Variants in PPP1R14C observed in about 807,000 individuals in gnomAD.
PPP1R14C encodes the protein protein phosphatase 1 regulatory inhibitor subunit 14C, also known as protein phosphatase 1 regulatory subunit 14C.
In PPP1R14C, 16 loss-of-function variants were observed where a neutral mutation model predicts 20.4. That is an observed-to-expected ratio of 0.78 (90% CI 0.53 to 1.19). The LOEUF is 1.19. Ranked by LOEUF, PPP1R14C falls within the 50% of genes most tolerant of loss-of-function variation. PPP1R14C has a pLI of 0.00. For missense variants in PPP1R14C, 211 were observed against 220.1 expected (o/e 0.96, Z 0.26); for synonymous variants, 91 against 91.0 (o/e 1.00, Z 0.00).
At position 150,242,266 on chromosome 6, in the gene PPP1R14C, A is replaced by T. The variant is rs1168068249; in HGVS notation, c.424-6480A>T. Among the ~76,000 whole-genome samples the T allele has an allele frequency of 2.0e-5, 3 of 152,244 alleles. No homozygotes were observed. The East Asian group carries it at 5.8e-4, about 29-fold the overall frequency. The stretch of plus-strand genomic sequence containing the variant: ...CTTGAAAAGGAAGGAATACTTCCCA[A>T]CTCATGCTATGAAGCTGGCAATACC... On this transcript the variant is annotated intron_variant, in intron 3 of 3. Coordinates refer to ENST00000361131, the MANE Select transcript of PPP1R14C (RefSeq NM_030949.3).
chr6:150,224,806 GTGTTA>G (rs1002216568), intron 3 of PPP1R14C, among the ~76,000 whole-genome samples: 2 of 152,106 alleles, frequency 1.3e-5, no homozygotes, highest in Non-Finnish European at 2.9e-5. Context: ...CTTTTACTGT[GTGTTA>G]TAATTTTTTT....
intron 1 of PPP1R14C, among the ~76,000 whole-genome samples, chr6:150,165,820 C>T (rs541403084): frequency 6.6e-6 from 1 of 152,096 alleles, no homozygotes; most frequent in African/African-American, 2.4e-5. Context: ...AAACAAAACC[C>T]TACAAAGAAA....
intron 3 of PPP1R14C, among the ~76,000 whole-genome samples, chr6:150,221,984 A>C (rs1405296256): frequency 6.6e-6 from 1 of 152,074 alleles, no homozygotes. Context: ...ATTTTTGTAG[A>C]GACAAAGTTT....
At chr6:150,199,735 G>A (rs1044715626) in intron 1 of PPP1R14C, among the ~76,000 whole-genome samples, 6 of 152,040 alleles carry the variant, frequency 3.9e-5, no homozygotes, top group Non-Finnish European at 7.4e-5. Flanking sequence ...CAGGCTTAGT[G>A]GCACGCATCT....
At chr6:150,190,434 C>CTTT (rs147541303) in intron 1 of PPP1R14C, among the ~76,000 whole-genome samples, 13 of 140,100 alleles carry the variant, frequency 9.3e-5, no homozygotes, top group African/African-American at 2.1e-4. Context: ...TGTATTTTGC[C>CTTT]TTTTTTTTTT....
intron 1 of PPP1R14C, among the ~76,000 whole-genome samples, chr6:150,193,027 C>G (rs1432982027): frequency 6.6e-6 from 1 of 152,132 alleles, no homozygotes; most frequent in Non-Finnish European, 1.5e-5. Flanking sequence ...GTTCTCTTTT[C>G]CCAGTTATCT....
At chr6:150,245,837 T>C (rs940409030) in intron 3 of PPP1R14C, among the ~76,000 whole-genome samples, 1 of 152,230 alleles carries the variant, frequency 6.6e-6, no homozygotes, top group Non-Finnish European at 1.5e-5. Context: ...AGTTTCTGTA[T>C]GGAGAATAAA....
chr6:150,162,044 A>ATTTTC (rs1316634455), intron 1 of PPP1R14C, among the ~76,000 whole-genome samples: 1 of 136,062 alleles, frequency 7.3e-6, no homozygotes, highest in South Asian at 2.9e-4. Context: ...CCCTCCGTTT[A>ATTTTC]TTTTCTTTTC....
At chr6:150,175,972 G>T (rs1309099269) in intron 1 of PPP1R14C, among the ~76,000 whole-genome samples, 1 of 152,148 alleles carries the variant, frequency 6.6e-6, no homozygotes, top group Non-Finnish European at 1.5e-5. Flanking sequence ...TCTCTAAACC[G>T]GCCACACCTG....
intron 1 of PPP1R14C, among the ~76,000 whole-genome samples, chr6:150,214,242 C>T (rs928984426): frequency 6.6e-6 from 1 of 152,090 alleles, no homozygotes; most frequent in East Asian, 1.9e-4. Flanking sequence ...AAGATGTGGA[C>T]CCCCAAATAA....
In PPP1R14C at chr6:150,249,332, C is replaced by T. The variant is rs1350954671; in HGVS notation, c.*512C>T. The stretch of plus-strand genomic sequence containing the variant: ...GAATAAACTTGTGGTTGTCCTTTAA[C>T]TGGAGGTCCCAGCACATGTGTTTTC... On this transcript the variant is annotated 3_prime_UTR_variant, in exon 4 of 4. Transcript: ENST00000361131. 1 of 399,056 alleles carries T rather than the reference C, an allele frequency of 2.5e-6. No individual in the cohort carries two copies. Among genetic ancestry groups the T allele is most frequent in the Non-Finnish European group, 4.4e-6 (1 of 226,146 alleles). 24.7% of individuals were successfully genotyped at this position (399,056 alleles called of 1,614,324 possible). A position where few individuals can be genotyped will look rare whatever the true frequency, so the allele number is the denominator to read the frequency against.
chr6:150,189,807 C>T (rs1261386218), intron 1 of PPP1R14C, among the ~76,000 whole-genome samples: 4 of 152,142 alleles, frequency 2.6e-5, no homozygotes, highest in African/African-American at 4.8e-5. Flanking sequence ...ACTGTGGATT[C>T]CTTGGCACCA....
chr6:150,216,568 A>T (rs547696082), intron 2 of PPP1R14C, among the ~76,000 whole-genome samples: 48 of 152,256 alleles, frequency 3.2e-4, no homozygotes, highest in Middle Eastern at 3.4e-3. Flanking sequence ...GCAAAAAAAA[A>T]AAATAAATAT....
rs890981213 is a variant in PPP1R14C at position 150,185,726 on chromosome 6, G to C, written c.307-29018G>C. On this transcript the variant is annotated intron_variant, in intron 1 of 3. Transcript: ENST00000361131. This position sits in a 1 kb window ranked among gnomAD's most constrained non-coding sequence, Gnocchi z 4.1. ...AGGCGAGGCTATGTTACACTCAGGA[G>C]TGACCCAAACTTTCAGTGGCTTAAA... 2.6e-5 allele frequency among the ~76,000 whole-genome samples: 4 copies of C among 152,260 alleles called. No homozygotes were observed. The highest frequency in any genetic ancestry group is 2.0e-4 in the Admixed American group (3 of 15,302).
Position 150,248,816 on chromosome 6 carries a change from T to G in PPP1R14C, c.494T>G (p.Val165Gly). 1 of 1,608,700 alleles carries G rather than the reference T, an allele frequency of 6.2e-7. No individual in the cohort carries two copies. Among genetic ancestry groups the G allele is most frequent in the Non-Finnish European group, 8.5e-7 (1 of 1,175,284 alleles). Residue 165 changes from valine to glycine, a missense_variant, in exon 4 of 4, where the codon GTA becomes GGA. Coordinates refer to ENST00000361131, the MANE Select transcript of PPP1R14C (RefSeq NM_030949.3). ...CTGAGCCCTCCGCAGAAGAAGAGTG[T>G]ATGATTCTGGAACAGGGTGAAACTC... Reference protein sequence around the residue: ...RKLSPPQKKSV With the variant: ...RKLSPPQKKSG
At chr6:150,159,787 A>G (rs1029713964) in intron 1 of PPP1R14C, among the ~76,000 whole-genome samples, 2 of 152,108 alleles carry the variant, frequency 1.3e-5, no homozygotes, top group Non-Finnish European at 2.9e-5. Flanking sequence ...ATATTGATAC[A>G]TTATTATTCT....
At chr6:150,240,621 A>C (rs1023064917) in intron 3 of PPP1R14C, among the ~76,000 whole-genome samples, 2 of 152,226 alleles carry the variant, frequency 1.3e-5, no homozygotes, top group Non-Finnish European at 2.9e-5. Flanking sequence ...GCCTGTGACC[A>C]GTCTGATTGT....
intron 1 of PPP1R14C, among the ~76,000 whole-genome samples, chr6:150,197,511 C>T (rs191274746): frequency 2.0e-5 from 3 of 152,230 alleles, no homozygotes; most frequent in Non-Finnish European, 4.4e-5. Context: ...GAACAGGTGG[C>T]GTAAAAGCTA....
At chr6:150,162,049 C>A (rs1041660627) in intron 1 of PPP1R14C, among the ~76,000 whole-genome samples, 20 of 129,922 alleles carry the variant, frequency 1.5e-4, no homozygotes, top group Admixed American at 5.3e-4. Flanking sequence ...CGTTTATTTT[C>A]TTTTCTTTTT....
Sources: gnomAD v4.1 joint callset for allele counts (sites outside exome capture counted in the v4.1 genomes callset) on GRCh38, gnomAD v4.1.1 for gene constraint, Gnocchi (gnomAD v3.1) non-coding constraint, MANE v1.5 for transcripts, NCBI Gene and HGNC (gene_info 2026-07-23, HGNC 2026-07-21) for gene names.